Variants in CSMD1 observed in about 807,000 individuals in gnomAD.
CSMD1 encodes the protein CUB and Sushi multiple domains 1.
A neutral mutation model predicts 417.5 loss-of-function variants in CSMD1; 213 were observed. That is an observed-to-expected ratio of 0.51 (90% CI 0.46 to 0.57). The LOEUF (loss-of-function observed/expected upper bound fraction) is 0.57. Ranked by LOEUF, CSMD1 falls within the 20% of genes least tolerant of loss-of-function variation. CSMD1 has a pLI of 0.00. For missense variants in CSMD1, 6,923 were observed against 4,529.7 expected (o/e 1.53, Z -15.17); for synonymous variants, 2,862 against 1,736.8 (o/e 1.65, Z -16.11).
chr8:4,612,766 C>G (rs572190921), intron 2 of CSMD1, among the ~76,000 whole-genome samples: 2 of 152,168 alleles, frequency 1.3e-5, no homozygotes, highest in African/African-American at 4.8e-5. Context: ...CAAATCTATG[C>G]ACACTCAACA....
chr8:4,381,039 A>T (rs1320659427), intron 3 of CSMD1, among the ~76,000 whole-genome samples: 1 of 152,200 alleles, frequency 6.6e-6, no homozygotes, highest in African/African-American at 2.4e-5. Context: ...AAATGGGTTA[A>T]GGAATATGTG....
At chr8:4,616,675 C>G (rs1301273570) in intron 2 of CSMD1, among the ~76,000 whole-genome samples, 2 of 152,196 alleles carry the variant, frequency 1.3e-5, no homozygotes, top group Non-Finnish European at 2.9e-5. Context: ...CAACAGTAAA[C>G]TGACTTTAAA....
intron 5 of CSMD1, among the ~76,000 whole-genome samples, chr8:3,874,568 T>C (rs756863188): frequency 6.6e-6 from 1 of 152,196 alleles, no homozygotes; most frequent in Non-Finnish European, 1.5e-5. Context: ...TGTTGCTGCC[T>C]CTGTGATGGA....
chr8:4,886,293 A>C (rs770326830), intron 1 of CSMD1, among the ~76,000 whole-genome samples: 3 of 151,888 alleles, frequency 2.0e-5, no homozygotes, highest in Non-Finnish European at 4.4e-5. Context: ...CAACTTTGTC[A>C]CTTTGCATTT....
chr8:3,235,077 C>T (rs1264156907), intron 26 of CSMD1, among the ~76,000 whole-genome samples: 1 of 152,056 alleles, frequency 6.6e-6, no homozygotes, highest in Non-Finnish European at 1.5e-5. Context: ...TAATTTCTGT[C>T]ACAGTTTATA....
intron 10 of CSMD1, among the ~76,000 whole-genome samples, chr8:3,507,918 G>A (rs1161829340): frequency 6.6e-6 from 1 of 152,096 alleles, no homozygotes; most frequent in African/African-American, 2.4e-5. Context: ...CCCTTTGTCA[G>A]ATGAGTAGGT....
intron 54 of CSMD1, among the ~76,000 whole-genome samples, chr8:2,984,409 C>T (rs892339667): frequency 6.6e-6 from 1 of 151,942 alleles, no homozygotes; most frequent in African/African-American, 2.4e-5. Flanking sequence ...AGTGCAGTGG[C>T]ATTATCTTGG....
intron 4 of CSMD1, among the ~76,000 whole-genome samples, chr8:4,022,338 C>T (rs1221538804): frequency 6.6e-6 from 1 of 151,922 alleles, no homozygotes; most frequent in Non-Finnish European, 1.5e-5. Flanking sequence ...TCCAATTCAG[C>T]AGAAGTGAAT....
intron 7 of CSMD1, among the ~76,000 whole-genome samples, chr8:3,665,566 T>C (rs1162748592): frequency 3.9e-5 from 6 of 152,128 alleles, no homozygotes; most frequent in Non-Finnish European, 8.8e-5. Context: ...AATTAGTATC[T>C]TGATTCCTTA....
chr8:4,085,853 C>A (rs914199759), intron 3 of CSMD1, among the ~76,000 whole-genome samples: 10 of 152,100 alleles, frequency 6.6e-5, no homozygotes, highest in African/African-American at 2.4e-4. Flanking sequence ...CCAGAGTTTC[C>A]CTGTCAGTAT....
chr8:4,649,338 GTACC>G (rs1395284338), intron 1 of CSMD1, among the ~76,000 whole-genome samples: 22 of 152,156 alleles, frequency 1.4e-4, no homozygotes, highest in African/African-American at 5.3e-4. Context: ...CATTGACAGA[GTACC>G]TATTATAAGG....
chr8:3,566,002 C>A (rs932918715), intron 10 of CSMD1, among the ~76,000 whole-genome samples: 16 of 152,138 alleles, frequency 1.1e-4, no homozygotes, highest in Admixed American at 1.0e-3. Context: ...ACATTGACAC[C>A]CCATTTCCTT....
intron 3 of CSMD1, among the ~76,000 whole-genome samples, chr8:4,074,511 A>G (rs943909860): frequency 6.6e-6 from 1 of 152,140 alleles, no homozygotes; most frequent in African/African-American, 2.4e-5. Context: ...ATACTTTACA[A>G]AACATGATAT....
chr8:3,102,862 GACA>G (rs1300638363), intron 46 of CSMD1, among the ~76,000 whole-genome samples: 1 of 152,172 alleles, frequency 6.6e-6, no homozygotes, highest in Non-Finnish European at 1.5e-5. Context: ...CTTGAAGCAT[GACA>G]AGATAACAAA....
At chr8:3,891,162 C>T (rs1454059856) in intron 5 of CSMD1, among the ~76,000 whole-genome samples, 4 of 152,080 alleles carry the variant, frequency 2.6e-5, no homozygotes, top group Non-Finnish European at 4.4e-5. Context: ...GATCCTCCCT[C>T]AGCCTCCCAA....
chr8:4,745,813 C>A (rs1263260694), intron 1 of CSMD1, among the ~76,000 whole-genome samples: 3 of 152,082 alleles, frequency 2.0e-5, no homozygotes, highest in Admixed American at 2.0e-4. Context: ...GATGCTAGTA[C>A]AAATGAGGGG....
chr8:4,121,418 T>A (rs1424068098), intron 3 of CSMD1, among the ~76,000 whole-genome samples: 1 of 152,132 alleles, frequency 6.6e-6, no homozygotes, highest in Non-Finnish European at 1.5e-5. Context: ...TATTTTTCAT[T>A]ACAGAATTCA....
chr8:3,344,787 C>G (rs779534183), intron 22 of CSMD1, among the ~76,000 whole-genome samples: 19 of 152,208 alleles, frequency 1.2e-4, no homozygotes, highest in Admixed American at 3.9e-4. Flanking sequence ...TATAGATACT[C>G]AGAAAAGGAG....
At chr8:4,010,241 G>T (rs1050781084) in intron 4 of CSMD1, among the ~76,000 whole-genome samples, 8 of 152,138 alleles carry the variant, frequency 5.3e-5, no homozygotes, top group African/African-American at 1.9e-4. Context: ...CTACTTCCAG[G>T]TGACTCATGG....
Sources: gnomAD v4.1 joint callset for allele counts (sites outside exome capture counted in the v4.1 genomes callset) on GRCh38, gnomAD v4.1.1 for gene constraint, MANE v1.5 for transcripts, NCBI Gene and HGNC (gene_info 2026-07-23, HGNC 2026-07-21) for gene names.